SAP30BP: variants seen among roughly 807,000 people sequenced by gnomAD.
SAP30BP encodes SAP30-binding protein.
Under a neutral mutation model 46.3 loss-of-function variants are expected in SAP30BP, and 31 were observed. The observed-to-expected ratio is 0.67, with a 90% CI of 0.50 to 0.90. The LOEUF is 0.90. Ranked by LOEUF, SAP30BP falls within the 40% of genes least tolerant of loss-of-function variation. The pLI, the probability that SAP30BP is intolerant of heterozygous loss-of-function variation, is 0.00. For missense variants in SAP30BP, 312 were observed against 391.0 expected (o/e 0.80, Z 1.70); for synonymous variants, 169 against 144.2 (o/e 1.17, Z -1.23).
intron 2 of SAP30BP, 80 bp downstream of exon 2, chr17:75,668,705 C>G: frequency 1.1e-6 from 1 of 911,904 alleles, no homozygotes; most frequent in Non-Finnish European, 1.7e-6. Context: ...AACAGTGTTC[C>G]ATTTCATGGT....
At chr17:75,697,618 T>C (rs2060342779) in intron 4 of SAP30BP, among the ~76,000 whole-genome samples, 2 of 152,212 alleles carry the variant, frequency 1.3e-5, no homozygotes, top group Non-Finnish European at 2.9e-5. Flanking sequence ...ATTAGTGCTC[T>C]GTTCTTGGGG....
chr17:75,680,293 G>T (rs2060057206), intron 3 of SAP30BP, among the ~76,000 whole-genome samples: 1 of 152,152 alleles, frequency 6.6e-6, no homozygotes, highest in Admixed American at 6.5e-5. Context: ...GAATTGTTCT[G>T]GCATTTTTTA....
chr17:75,695,348 G>A (rs1221434972), intron 4 of SAP30BP, among the ~76,000 whole-genome samples: 1 of 152,220 alleles, frequency 6.6e-6, no homozygotes, highest in Non-Finnish European at 1.5e-5. Flanking sequence ...ATCACCCCTA[G>A]TTAAGAACCA....
chr17:75,699,640 A>G, intron 4 of SAP30BP, 143 bp from the exon 5 acceptor site: 1 of 546,130 alleles, frequency 1.8e-6, no homozygotes, highest in Non-Finnish European at 3.3e-6. Context: ...CACCTCAGAG[A>G]GGCCACATCC....
intron 2 of SAP30BP, among the ~76,000 whole-genome samples, chr17:75,669,101 TCTCA>T (rs1236571196): frequency 1.3e-5 from 2 of 151,566 alleles, no homozygotes; most frequent in Non-Finnish European, 2.9e-5. Context: ...TGAGATAGGG[TCTCA>T]CTCTGCTGTC....
chr17:75,691,637 G>C (rs1353972376), intron 3 of SAP30BP: 3 of 374,996 alleles, frequency 8.0e-6, no homozygotes, highest in Non-Finnish European at 1.6e-5. Context: ...GGCCTCTGCA[G>C]TTGAGTCCAT....
chr17:75,679,685 G>A (rs888733407), intron 3 of SAP30BP: 4 of 152,262 alleles, frequency 2.6e-5, no homozygotes, highest in South Asian at 2.1e-4. Context: ...GAGGCTGGGC[G>A]TTGCATAGGA....
At chr17:75,691,240 T>C (rs189260234) in intron 3 of SAP30BP, among the ~76,000 whole-genome samples, 12 of 152,270 alleles carry the variant, frequency 7.9e-5, no homozygotes, top group South Asian at 4.1e-4. Context: ...ACCAGACTAG[T>C]TGGCAAATTG....
intron 3 of SAP30BP, among the ~76,000 whole-genome samples, chr17:75,681,575 A>G (rs1371915977): frequency 6.6e-6 from 1 of 152,214 alleles, no homozygotes; most frequent in East Asian, 1.9e-4. Flanking sequence ...CTAAGGGGCT[A>G]ATCTCCCAGG....
chr17:75,689,317 A>G (rs2060208934), intron 3 of SAP30BP, among the ~76,000 whole-genome samples: 2 of 151,798 alleles, frequency 1.3e-5, no homozygotes, highest in African/African-American at 2.4e-5. Context: ...AGGTTTTACC[A>G]TGTTGTCCAG....
At position 75,707,555 on chromosome 17, in the gene SAP30BP, T is replaced by C. The variant is rs2060516900; in HGVS notation, c.*1034T>C. 1 of 152,594 alleles carries C rather than the reference T, an allele frequency of 6.6e-6. No individual in the cohort carries two copies. Among genetic ancestry groups the C allele is most frequent in the African/African-American group, 2.4e-5 (1 of 41,408 alleles). The allele number at this position is 152,594 out of a possible 1,614,324, so 9.5% of individuals were successfully genotyped here. A position where few individuals can be genotyped will look rare whatever the true frequency, so the allele number is the denominator to read the frequency against. On this transcript the variant is annotated 3_prime_UTR_variant, in exon 11 of 11. Transcript: ENST00000584667. ...GAAGGGCCGTGTTGCTTTCAGTGGG[T>C]GGGCAGAGGTTTAGAAAGGTGGTTC...
chr17:75,699,523 C>T (rs1053211748), intron 4 of SAP30BP, among the ~76,000 whole-genome samples: 12 of 147,922 alleles, frequency 8.1e-5, no homozygotes, highest in Admixed American at 1.3e-4. Flanking sequence ...AAAAAAAAAA[C>T]GGAAAAGTTA....
chr17:75,667,585 G>A (rs1001811993), intron 1 of SAP30BP, 107 bp downstream of exon 1: 1 of 992,516 alleles, frequency 1.0e-6, no homozygotes, highest in Non-Finnish European at 1.5e-6. Context: ...CCAAGCACCG[G>A]ACCCCGAAGA....
intron 3 of SAP30BP, among the ~76,000 whole-genome samples, chr17:75,690,077 A>G (rs2060219888): frequency 6.6e-6 from 1 of 152,234 alleles, no homozygotes; most frequent in African/African-American, 2.4e-5. Context: ...ACAATAATAT[A>G]TCCATGTAAC....
chr17:75,675,696 G>A (rs1568301293), intron 3 of SAP30BP, among the ~76,000 whole-genome samples: 2 of 152,088 alleles, frequency 1.3e-5, no homozygotes, highest in Non-Finnish European at 2.9e-5. Flanking sequence ...GGGCAGATTG[G>A]TTGAGCCCAG....
intron 8 of SAP30BP, among the ~76,000 whole-genome samples, chr17:75,704,506 G>A (rs1773056655): frequency 6.6e-6 from 1 of 152,206 alleles, no homozygotes; most frequent in South Asian, 2.1e-4. Context: ...ATTCCCGTGT[G>A]TGGCAGTCCA....
intron 3 of SAP30BP, among the ~76,000 whole-genome samples, chr17:75,676,751 G>A (rs1379662066): frequency 6.6e-6 from 1 of 152,204 alleles, no homozygotes; most frequent in African/African-American, 2.4e-5. Flanking sequence ...TTTTGAGAGA[G>A]AGTTCACATT....
intron 3 of SAP30BP, chr17:75,679,934 C>T (rs533016688): frequency 6.6e-6 from 1 of 152,346 alleles, no homozygotes; most frequent in African/African-American, 2.4e-5. Flanking sequence ...TCTCCTTTGT[C>T]CATTTTTACC....
intron 4 of SAP30BP, among the ~76,000 whole-genome samples, chr17:75,696,194 T>C (rs1042256684): frequency 6.6e-6 from 1 of 152,064 alleles, no homozygotes; most frequent in African/African-American, 2.4e-5. Flanking sequence ...TCCAAGAGAC[T>C]GTGGACACAT....
Sources: allele counts gnomAD v4.1 joint callset (sites outside exome capture counted in the v4.1 genomes callset), GRCh38; gene constraint gnomAD v4.1.1; transcripts MANE v1.5; gene names NCBI Gene and HGNC (gene_info 2026-07-23, HGNC 2026-07-21).